ADGRF1: variants seen among roughly 807,000 people sequenced by gnomAD.
ADGRF1 encodes adhesion G protein-coupled receptor F1.
A neutral mutation model predicts 87.2 loss-of-function variants in ADGRF1; 85 were observed. The observed-to-expected ratio is 0.97, with a 90% CI of 0.82 to 1.17. ADGRF1 has a LOEUF of 1.17. ADGRF1 is among the 50% of genes most tolerant of loss of function. The pLI, the probability that ADGRF1 is intolerant of heterozygous loss-of-function variation, is 0.00. For missense variants in ADGRF1, 1,169 were observed against 1,077.2 expected, an observed-to-expected ratio of 1.09 and a Z score of -1.19; for synonymous variants, 430 against 408.8, an observed-to-expected ratio of 1.05 and a Z score of -0.63.
In ADGRF1 at chr6:47,041,568, T is replaced by C. The variant is rs940079539; in HGVS notation, c.-44+623A>G. 2.6e-5 allele frequency among the ~76,000 whole-genome samples: 4 copies of C among 152,320 alleles called. No homozygotes were observed. The East Asian group carries it at 7.7e-4, about 29-fold the overall frequency. On this transcript the variant is annotated intron_variant, in intron 1 of 14. Transcript: ENST00000371253. ...AAAGAGAAAAGAAAAATTATATATT[T>C]TCAAGGCCTCTACTAAGAAAATACA...
rs1779621780 is a variant in ADGRF1 at position 47,009,257 on chromosome 6, G to A, written c.2178C>T (p.Thr726=). The change falls in exon 11 of 15, where the codon ACC becomes ACT. Residue 726 remains threonine (T), a synonymous_variant. Transcript: ENST00000371253. ...GCCAACACACATCTTTCCTTTTGTA[G>A]GTATTGCTAGGTTGCGTGACAGCAA... is the stretch of plus-strand genomic sequence containing the variant. ...ITIAVTQPSN[T]YKRKDVCWLN... 4 of 1,614,144 alleles carry A rather than the reference G, an allele frequency of 2.5e-6. No homozygotes were observed. The East Asian group carries it at 8.9e-5, about 36-fold the overall frequency.
intron 11 of ADGRF1, among the ~76,000 whole-genome samples, chr6:47,008,242 G>A (rs1779586619): frequency 6.6e-6 from 1 of 152,140 alleles, no homozygotes; most frequent in Non-Finnish European, 1.5e-5. Context: ...AACCTTCACT[G>A]AACTGGGACT....
intron 9 of ADGRF1, 111 bp from the exon 10 acceptor site, chr6:47,012,306 T>C (rs1426692375): frequency 4.0e-6 from 6 of 1,490,732 alleles, no homozygotes; most frequent in Admixed American, 2.1e-5. Context: ...TGTGTTCTAA[T>C]GTAGGATAAT....
intron 6 of ADGRF1, 106 bp downstream of exon 6, chr6:47,021,852 G>A (rs1780063352): frequency 4.6e-6 from 3 of 655,742 alleles, no homozygotes; most frequent in Non-Finnish European, 8.0e-6. Context: ...TTTGCTCACT[G>A]AAAACGAATA....
At chr6:47,027,810 C>T (rs757002533) in intron 2 of ADGRF1, 49 bp from the exon 3 acceptor site, 1 of 1,044,802 alleles carries the variant, frequency 9.6e-7, no homozygotes, top group Non-Finnish European at 1.5e-6. Flanking sequence ...AAGAGTTGTG[C>T]TTCATAAGGC....
chr6:47,016,901 G>A lies in ADGRF1; in HGVS notation c.612-133C>T. ...CAGAGCTTACATTCTAGTGGATAAGGCAAGGCAAATAAAAAAACAAGTATC... is the reference window on the plus strand; with the variant it reads ...CAGAGCTTACATTCTAGTGGATAAGACAAGGCAAATAAAAAAACAAGTATC... On this transcript the variant is annotated intron_variant, in intron 7 of 14. Transcript: ENST00000371253. The A allele has an allele frequency of 4.0e-6, 5 of 1,257,452 alleles. No homozygotes were observed. In the South Asian group the frequency reaches 1.3e-4, roughly 32 times the overall value. 77.9% of individuals were successfully genotyped at this position (1,257,452 alleles called of 1,614,324 possible).
At position 47,000,304 on chromosome 6, in the gene ADGRF1, GAA is replaced by G; in HGVS notation, c.2660-11_2660-10del. The G allele has an allele frequency of 4.6e-6, 7 of 1,524,954 alleles. No homozygotes were observed. The highest frequency in any genetic ancestry group is 3.6e-6 in the Non-Finnish European group (4 of 1,120,066). The allele number at this position is 1,524,954 out of a possible 1,614,324, so 94.5% of individuals were successfully genotyped here. Reference sequence around the variant, plus strand: ...AGAAAATGCATAATGGCCTGAAGGGGAAAAAAAAAGGAAATAATTATTGTTAC... The same window carrying G: ...AGAAAATGCATAATGGCCTGAAGGGGAAAAAAAGGAAATAATTATTGTTAC... On this transcript the variant is annotated splice_polypyrimidine_tract_variant and intron_variant, in intron 14 of 14. Transcript: ENST00000371253.
In ADGRF1 at chr6:47,037,215, G is replaced by C. The variant is rs115398663; in HGVS notation, c.-44+4976C>G. ...TTATTGTTTTAATTTTCCTGTGTTT[G>C]ACTATCAGTAAGTTTAAGCATTTTT... On this transcript the variant is annotated intron_variant, in intron 1 of 14. Coordinates refer to ENST00000371253, the MANE Select transcript of ADGRF1 (RefSeq NM_153840.4). Among the ~76,000 whole-genome samples the C allele has an allele frequency of 3.4e-3, 518 of 152,184 alleles. 6 individuals carry two copies. Among genetic ancestry groups the C allele is most frequent in the South Asian group, 4.6e-3 (22 of 4,818 alleles).
chr6:47,040,621 C>A (rs1034502728), intron 1 of ADGRF1, among the ~76,000 whole-genome samples: 1 of 152,150 alleles, frequency 6.6e-6, no homozygotes, highest in Non-Finnish European at 1.5e-5. Flanking sequence ...CCCGGGGATG[C>A]CACTCCCCCA....
At chr6:47,004,152 G>A (rs951540015) in intron 13 of ADGRF1, among the ~76,000 whole-genome samples, 2 of 152,052 alleles carry the variant, frequency 1.3e-5, no homozygotes, top group African/African-American at 4.8e-5. Context: ...CTGGGTCCAC[G>A]TCTGGTTACC....
chr6:47,040,709 T>C (rs1385479737), intron 1 of ADGRF1, among the ~76,000 whole-genome samples: 1 of 152,174 alleles, frequency 6.6e-6, no homozygotes, highest in Non-Finnish European at 1.5e-5. Flanking sequence ...CTCTTGCTCC[T>C]GCCAGTTTTT....
chr6:47,002,010 C>T (rs1451983016), intron 13 of ADGRF1: 2 of 170,738 alleles, frequency 1.2e-5, no homozygotes, highest in Admixed American at 5.9e-5. Flanking sequence ...TTGAATGACG[C>T]TTTGGTCATT....
In ADGRF1 at chr6:47,009,711, G is replaced by C. The variant is rs778881329; in HGVS notation, c.1724C>G (p.Pro575Arg). 12 of 1,614,072 alleles carry C rather than the reference G, an allele frequency of 7.4e-6. No individual in the cohort carries two copies. The highest frequency in any genetic ancestry group is 2.7e-5 in the African/African-American group (2 of 74,946). Residue 575 changes from proline to arginine, a missense_variant, in exon 11 of 15, where the codon CCT (proline) becomes CGT (arginine). Physicochemically the swap from Pro to Arg is moderately radical, Grantham distance 103 (BLOSUM62 -2). Transcript: ENST00000371253. ...HLTSFSILMS[P>R]FVPSTIFPVV... Reference sequence around the variant, plus strand: ...GGGGAAGATTGTAGAGGGGACAAAAGGTGACATCAATATGGAGAAGGAGGT... The same window carrying C: ...GGGGAAGATTGTAGAGGGGACAAAACGTGACATCAATATGGAGAAGGAGGT...
intron 3 of ADGRF1, among the ~76,000 whole-genome samples, chr6:47,027,091 A>G (rs1764802886): frequency 6.6e-6 from 1 of 152,200 alleles, no homozygotes. Context: ...ATGCACTTCA[A>G]ATAGTCCTGC....
chr6:47,001,574 A>G lies in ADGRF1; in HGVS notation c.2593-7T>C. On this transcript the variant is annotated splice_region_variant and splice_polypyrimidine_tract_variant and intron_variant, in intron 13 of 14. Coordinates refer to ENST00000371253, the MANE Select transcript of ADGRF1 (RefSeq NM_153840.4). ...ATAAATCTGATGAGTTTTGCTGCACAAAATAAAAATAAGTCATTTGGACAT... is the reference window on the plus strand; with the variant it reads ...ATAAATCTGATGAGTTTTGCTGCACGAAATAAAAATAAGTCATTTGGACAT... The G allele has an allele frequency of 6.2e-7, 1 of 1,612,462 alleles. No homozygotes were observed. The highest frequency in any genetic ancestry group is 8.5e-7 in the Non-Finnish European group (1 of 1,178,858).
chr6:47,012,985 G>A, intron 9 of ADGRF1: 1 of 768,728 alleles, frequency 1.3e-6, no homozygotes, highest in Non-Finnish European at 1.6e-6. Flanking sequence ...TGTTGGCCAG[G>A]CTGGTCTTGA....
chr6:47,016,266 T>C (rs1251493712), intron 8 of ADGRF1, among the ~76,000 whole-genome samples: 2 of 152,138 alleles, frequency 1.3e-5, no homozygotes, highest in African/African-American at 4.8e-5. Context: ...GTTAAAGACA[T>C]AATTTCTTGG....
chr6:47,026,796 C>T (rs537586999), intron 3 of ADGRF1, among the ~76,000 whole-genome samples: 2 of 152,314 alleles, frequency 1.3e-5, no homozygotes, highest in African/African-American at 4.8e-5. Context: ...CTCCCCATCT[C>T]CTTACGGACT....
intron 7 of ADGRF1, chr6:47,018,297 A>C: frequency 1.1e-6 from 1 of 893,110 alleles, no homozygotes; most frequent in Non-Finnish European, 1.5e-6. Context: ...CTCATGAGAT[A>C]AGCAGTGTAT....
Sources: gnomAD v4.1 joint callset for allele counts (sites outside exome capture counted in the v4.1 genomes callset) on GRCh38, gnomAD v4.1.1 for gene constraint, MANE v1.5 for transcripts, NCBI Gene and HGNC (gene_info 2026-07-23, HGNC 2026-07-21) for gene names.